The following MARCHF1 variants were observed in gnomAD, a reference collection of about 807,000 sequenced individuals.
MARCHF1 encodes the protein E3 ubiquitin-protein ligase MARCHF1.
A neutral mutation model predicts 54.2 loss-of-function variants in MARCHF1; 40 were observed. That is an observed-to-expected ratio of 0.74 (90% CI 0.57 to 0.96). The LOEUF (loss-of-function observed/expected upper bound fraction) is 0.96. MARCHF1 is among the 40% of genes least tolerant of loss of function. MARCHF1 has a pLI of 0.00. For missense variants in MARCHF1, 586 were observed against 656.5 expected, an observed-to-expected ratio of 0.89 and a Z score of 1.17; for synonymous variants, 236 against 236.3, an observed-to-expected ratio of 1.00 and a Z score of 0.01.
At chr4:163,719,509 A>G (rs989214841) in intron 4 of MARCHF1, among the ~76,000 whole-genome samples, 3 of 152,126 alleles carry the variant, frequency 2.0e-5, no homozygotes, top group Admixed American at 1.3e-4. Flanking sequence ...GTGTGTCTTT[A>G]TAGCAGCATG....
intron 1 of MARCHF1, among the ~76,000 whole-genome samples, chr4:164,171,034 A>C (rs1240812071): frequency 6.6e-6 from 1 of 152,188 alleles, no homozygotes; most frequent in Admixed American, 6.5e-5. Context: ...CAAATTGGAC[A>C]AAAACATGTT....
chr4:163,613,071 G>A, intron 6 of MARCHF1, 33 bp from the exon 7 acceptor site: 1 of 1,446,760 alleles, frequency 6.9e-7, no homozygotes, highest in South Asian at 1.5e-5. Flanking sequence ...GATGGGAAAT[G>A]GGAATGGAGA....
At chr4:163,726,140 A>G (rs1745645659) in intron 4 of MARCHF1, among the ~76,000 whole-genome samples, 1 of 152,056 alleles carries the variant, frequency 6.6e-6, no homozygotes, top group Admixed American at 6.6e-5. Flanking sequence ...TTATCACCCA[A>G]AGTCTCTGGA....
chr4:163,622,559 T>C (rs1380341912), intron 5 of MARCHF1, among the ~76,000 whole-genome samples: 1 of 152,164 alleles, frequency 6.6e-6, no homozygotes, highest in African/African-American at 2.4e-5. Context: ...TGTGCAAAAT[T>C]TACCACACTA....
intron 4 of MARCHF1, among the ~76,000 whole-genome samples, chr4:163,829,675 TA>T (rs1748962142): frequency 6.6e-6 from 1 of 152,158 alleles, no homozygotes; most frequent in South Asian, 2.1e-4. Flanking sequence ...CGCAAATATT[TA>T]AAAAAATAAA....
intron 5 of MARCHF1, among the ~76,000 whole-genome samples, chr4:163,632,662 G>C (rs937202233): frequency 6.6e-5 from 10 of 152,216 alleles, no homozygotes; most frequent in Non-Finnish European, 1.3e-4. Context: ...CGGCAGCGAG[G>C]CTGGGGGAGG....
intron 4 of MARCHF1, among the ~76,000 whole-genome samples, chr4:163,738,125 T>C (rs890682029): frequency 2.0e-5 from 3 of 152,174 alleles, no homozygotes; most frequent in Non-Finnish European, 2.9e-5. Flanking sequence ...ACAAACATAT[T>C]TCAGTTCTTA....
At chr4:163,995,358 G>C (rs1269821008) in intron 2 of MARCHF1, among the ~76,000 whole-genome samples, 1 of 152,122 alleles carries the variant, frequency 6.6e-6, no homozygotes, top group Non-Finnish European at 1.5e-5. Flanking sequence ...CCATCCATAA[G>C]TTCTCTGTAT....
chr4:163,884,830 A>T (rs1185326913), intron 3 of MARCHF1, among the ~76,000 whole-genome samples: 3 of 152,164 alleles, frequency 2.0e-5, no homozygotes, highest in East Asian at 3.8e-4. Flanking sequence ...CAGTACTTTA[A>T]AAACTGATAA....
At chr4:164,050,683 C>T (rs548116573) in intron 2 of MARCHF1, among the ~76,000 whole-genome samples, 9 of 142,552 alleles carry the variant, frequency 6.3e-5, no homozygotes, top group East Asian at 2.0e-4. Flanking sequence ...TAATAATATC[C>T]GCAAGTTGGG....
intron 3 of MARCHF1, among the ~76,000 whole-genome samples, chr4:163,927,176 G>C (rs1454016263): frequency 2.6e-5 from 4 of 151,654 alleles, no homozygotes; most frequent in Non-Finnish European, 5.9e-5. Flanking sequence ...ATGTAAGATG[G>C]AAAAGCGCAA....
rs1741368380 is a variant in MARCHF1 at position 163,612,283 on chromosome 4, A to C, written c.998T>G (p.Leu333Ter). The C allele has an allele frequency of 1.3e-6, 2 of 1,504,140 alleles. No individual in the cohort carries two copies. The highest frequency in any genetic ancestry group is 2.8e-5 in the African/African-American group (2 of 71,264). 93.2% of individuals were successfully genotyped at this position (1,504,140 alleles called of 1,614,324 possible). Reference sequence around the variant, plus strand: ...TACAGTGACTGACCTGCATACTTCTAAATTATCAGACCCATCGTCATAGGT... The same window carrying C: ...TACAGTGACTGACCTGCATACTTCTCAATTATCAGACCCATCGTCATAGGT... ...PATYDDGSDN[L>*]EVCRICHCEG... Residue 333 changes from leucine (L) to a stop codon, truncating the protein, a stop_gained, in exon 7 of 10, where the codon TTA becomes TGA. Transcript: ENST00000514618. LOFTEE classifies it high-confidence loss of function.
At chr4:164,014,753 G>C (rs1326378344) in intron 2 of MARCHF1, among the ~76,000 whole-genome samples, 2 of 151,872 alleles carry the variant, frequency 1.3e-5, no homozygotes, top group African/African-American at 4.8e-5. Context: ...AATTACATCA[G>C]ACAAAACATA....
At chr4:164,302,868 TAAAA>T (rs70952621) in intron 1 of MARCHF1, among the ~76,000 whole-genome samples, 2,374 of 114,216 alleles carry the variant, frequency 0.021, 58 homozygotes, top group African/African-American at 0.07. Flanking sequence ...GAGACTGTCT[TAAAA>T]AAAAAAAAAA....
chr4:163,868,767 TA>T (rs146541576), intron 3 of MARCHF1, among the ~76,000 whole-genome samples: 13,584 of 151,308 alleles, frequency 0.09, 622 homozygotes, highest in Middle Eastern at 0.11. Context: ...ACTGGTGATT[TA>T]AAAAAAAATG....
intron 2 of MARCHF1, among the ~76,000 whole-genome samples, chr4:164,109,081 C>A (rs922601120): frequency 6.6e-6 from 1 of 151,940 alleles, no homozygotes; most frequent in Non-Finnish European, 1.5e-5. Context: ...CATTGTTGAG[C>A]GTGAGATGCT....
chr4:163,542,188 C>T (rs1738742610), intron 9 of MARCHF1, among the ~76,000 whole-genome samples: 1 of 152,192 alleles, frequency 6.6e-6, no homozygotes, highest in Admixed American at 6.5e-5. Flanking sequence ...TGGAATCCTG[C>T]ACCCACCCAC....
At chr4:163,703,958 G>A (rs558526207) in intron 4 of MARCHF1, among the ~76,000 whole-genome samples, 86 of 152,046 alleles carry the variant, frequency 5.7e-4, no homozygotes, top group African/African-American at 1.9e-3. Context: ...TAATGTTAGA[G>A]TCTAAGGAAA....
chr4:164,278,347 G>A (rs1274912609), intron 1 of MARCHF1, among the ~76,000 whole-genome samples: 1 of 152,062 alleles, frequency 6.6e-6, no homozygotes, highest in African/African-American at 2.4e-5. Context: ...AATAAGACAT[G>A]TGAAGTATCC....
Sources: gnomAD v4.1 joint callset for allele counts (sites outside exome capture counted in the v4.1 genomes callset) on GRCh38, gnomAD v4.1.1 for gene constraint, MANE v1.5 for transcripts, NCBI Gene and HGNC (gene_info 2026-07-23, HGNC 2026-07-21) for gene names.